The following SCAF4 variants were observed in gnomAD, a reference collection of about 807,000 sequenced individuals.
SCAF4 encodes the protein SR-related and CTD-associated factor 4.
In SCAF4, 25 loss-of-function variants were observed where a neutral mutation model predicts 129.8. The ratio of observed to expected loss-of-function variants is 0.19; its 90% confidence interval spans 0.14 to 0.27. The LOEUF (loss-of-function observed/expected upper bound fraction) is 0.27, where lower values mean the gene tolerates loss of function less well. SCAF4 is among the 10% of genes least tolerant of loss of function. The pLI, the probability that SCAF4 is intolerant of heterozygous loss-of-function variation, is 1.00. For missense variants in SCAF4, 1,246 were observed against 1,457.1 expected (o/e 0.86, Z 2.36); for synonymous variants, 551 against 497.7 (o/e 1.11, Z -1.43).
At chr21:31,706,535 C>T in intron 1 of SCAF4, 178 bp from the exon 2 acceptor site, 1 of 582,038 alleles carries the variant, frequency 1.7e-6, no homozygotes, top group South Asian at 2.2e-5. Context: ...CAGCACACAC[C>T]CTCCCCACTG....
intron 2 of SCAF4, 133 bp downstream of exon 2, chr21:31,706,141 C>T (rs1277284459): frequency 6.0e-6 from 4 of 668,660 alleles, no homozygotes; most frequent in Non-Finnish European, 7.9e-6. Context: ...TATCATGTAC[C>T]TTCAGCAAAG....
intron 1 of SCAF4, among the ~76,000 whole-genome samples, chr21:31,730,640 G>A (rs976046303): frequency 6.6e-6 from 1 of 152,132 alleles, no homozygotes; most frequent in East Asian, 1.9e-4. Context: ...ATTTGGAAAG[G>A]GAAGACAATA....
intron 9 of SCAF4, among the ~76,000 whole-genome samples, chr21:31,695,760 T>TGA (rs2050370353): frequency 6.6e-6 from 1 of 152,204 alleles, no homozygotes; most frequent in Non-Finnish European, 1.5e-5. Flanking sequence ...TATTCCTGAA[T>TGA]GTTCAGAGCT....
intron 1 of SCAF4, among the ~76,000 whole-genome samples, chr21:31,717,868 CACATAT>C (rs1370758177): frequency 3.0e-4 from 36 of 121,030 alleles, no homozygotes; most frequent in African/African-American, 8.1e-4. Flanking sequence ...CACACACACA[CACATAT>C]ACACATATAT....
chr21:31,695,243 T>C lies in SCAF4; in HGVS notation c.1069-263A>G, dbSNP rs373975735. 7.0e-4 allele frequency among the ~76,000 whole-genome samples: 107 copies of C among 152,276 alleles called. 3 individuals carry two copies. The South Asian group carries it at 0.022, about 31-fold the overall frequency. ...TTAAATATTTAAAGAAATACCTTCA[T>C]TTACATAAGGAAGCAATGTGATAAA... On this transcript the variant is annotated intron_variant, in intron 9 of 19. Transcript: ENST00000286835.
intron 1 of SCAF4, among the ~76,000 whole-genome samples, chr21:31,710,213 G>A (rs569638899): frequency 6.6e-6 from 1 of 152,236 alleles, no homozygotes; most frequent in South Asian, 2.1e-4. Context: ...ATAGAACTAT[G>A]AGGATGGATT....
chr21:31,686,938 C>T (rs181648825), intron 16 of SCAF4, among the ~76,000 whole-genome samples: 1 of 152,322 alleles, frequency 6.6e-6, no homozygotes, highest in Admixed American at 6.5e-5. Context: ...TTGGAGACCA[C>T]TATCTGAACA....
At chr21:31,679,952 C>G (rs567210758) in intron 19 of SCAF4, among the ~76,000 whole-genome samples, 1 of 152,286 alleles carries the variant, frequency 6.6e-6, no homozygotes, top group South Asian at 2.1e-4. Context: ...AGTCAATAAA[C>G]TTGAAATCTA....
chr21:31,686,203 CAAAAAAAAAAAAA>C (rs2050118868), intron 16 of SCAF4, among the ~76,000 whole-genome samples: 1 of 75,898 alleles, frequency 1.3e-5, no homozygotes, highest in Non-Finnish European at 3.3e-5. Flanking sequence ...ACTTGGTCTT[CAAAAAAAAAAAAA>C]GAAAAAAAAA....
chr21:31,699,731 G>A (rs1419345185), intron 7 of SCAF4, among the ~76,000 whole-genome samples: 3 of 152,092 alleles, frequency 2.0e-5, no homozygotes, highest in Non-Finnish European at 4.4e-5. Flanking sequence ...CATCAGTTCT[G>A]ATTTTCAAAC....
rs943999389 is a variant in SCAF4, at chr21:31,706,006, G to A, written c.114+268C>T. ...AATCACTTGAACCCGGGAGGGTGAGGTTGCAGTGAGCTGAGATCGCACCAC... is the reference window on the plus strand; with the variant it reads ...AATCACTTGAACCCGGGAGGGTGAGATTGCAGTGAGCTGAGATCGCACCAC... On this transcript the variant is annotated intron_variant, in intron 2 of 19. Coordinates refer to ENST00000286835, the MANE Select transcript of SCAF4 (RefSeq NM_020706.2). Among the ~76,000 whole-genome samples, 50 of 152,340 alleles carry A rather than the reference G, an allele frequency of 3.3e-4. 1 individual carries two copies. The highest frequency in any genetic ancestry group is 1.1e-3 in the African/African-American group (44 of 41,582).
Position 31,729,580 on chromosome 21 carries a change from A to ATCTT in SCAF4, c.30+2082_30+2083insAAGA, listed in dbSNP as rs1373242249. Among the ~76,000 whole-genome samples, 996 of 152,338 alleles carry ATCTT rather than the reference A, an allele frequency of 6.5e-3. 9 individuals carry two copies. The highest frequency in any genetic ancestry group is 0.023 in the African/African-American group (938 of 41,578). On this transcript the variant is annotated intron_variant, in intron 1 of 19. Coordinates refer to ENST00000286835, the MANE Select transcript of SCAF4 (RefSeq NM_020706.2). ...TCAAGATTATATGGGGAACGAATCA[A>ATCTT]GAACATTTCATGAATGGGGAGAAAT...
chr21:31,710,108 C>T (rs547320525), intron 1 of SCAF4, among the ~76,000 whole-genome samples: 1 of 152,134 alleles, frequency 6.6e-6, no homozygotes, highest in Non-Finnish European at 1.5e-5. Flanking sequence ...ATGAAACATA[C>T]TGAATTTAAT....
rs1211586677 is a variant in SCAF4 at position 31,732,007 on chromosome 21, G to A, written c.-315C>T. On this transcript the variant is annotated 5_prime_UTR_variant, in exon 1 of 20. Coordinates refer to ENST00000286835, the MANE Select transcript of SCAF4 (RefSeq NM_020706.2). ...GCGTCTCGCTGACACGGCCCCCCGC[G>A]CCCTCACGCACTGGCTCACACTGGC... 2 of 472,320 alleles carry A rather than the reference G, an allele frequency of 4.2e-6. No homozygotes were observed. The highest frequency in any genetic ancestry group is 7.3e-6 in the Non-Finnish European group (2 of 272,620). The allele number at this position is 472,320 out of a possible 1,614,324, so 29.3% of individuals were successfully genotyped here.
intron 1 of SCAF4, among the ~76,000 whole-genome samples, chr21:31,709,187 G>T (rs1358956642): frequency 6.6e-6 from 1 of 152,144 alleles, no homozygotes; most frequent in Non-Finnish European, 1.5e-5. Context: ...CATCACTGTG[G>T]GGGTGGGGGG....
At position 31,671,917 on chromosome 21, in the gene SCAF4, TTGGTGGAGGCTGTTGTGA is replaced by T. The variant is rs756512277; in HGVS notation, c.2908_2925del (p.Ser970_Pro975del). 12 of 1,612,628 alleles carry T rather than the reference TTGGTGGAGGCTGTTGTGA, an allele frequency of 7.4e-6. No homozygotes were observed. Among genetic ancestry groups the T allele is most frequent in the Non-Finnish European group, 1.0e-5 (12 of 1,179,096 alleles). ...CTAAACTGCTGTGGCTGCTGCTGTG[TTGGTGGAGGCTGTTGTGA>T]TGGTGGTGGCTGCTGCTGCTGCTGC... On this transcript the variant is annotated inframe_deletion, in exon 20 of 20. Coordinates refer to ENST00000286835, the MANE Select transcript of SCAF4 (RefSeq NM_020706.2).
intron 1 of SCAF4, among the ~76,000 whole-genome samples, chr21:31,729,008 T>A (rs1310475104): frequency 3.3e-5 from 5 of 152,150 alleles, no homozygotes; most frequent in African/African-American, 9.7e-5. Context: ...CTTTTCCTAT[T>A]CTCCATTCCC....
intron 1 of SCAF4, among the ~76,000 whole-genome samples, chr21:31,727,682 C>G (rs938729569): frequency 2.0e-5 from 3 of 151,938 alleles, no homozygotes; most frequent in African/African-American, 7.3e-5. Context: ...GTCCCAGCTA[C>G]TCGGGAGGAG....
intron 1 of SCAF4, among the ~76,000 whole-genome samples, chr21:31,712,222 C>CTTTTTTTTTTTTTTTTTTTTTTTTTTT (rs11408552): frequency 2.2e-5 from 3 of 135,442 alleles, no homozygotes; most frequent in African/African-American, 8.4e-5. Context: ...TTGTTTGTTG[C>CTTTTTTTTTTTTTTTTTTTTTTTTTTT]TTTTTTTTTT....
Sources: gnomAD v4.1 joint callset for allele counts (sites outside exome capture counted in the v4.1 genomes callset) on GRCh38, gnomAD v4.1.1 for gene constraint, MANE v1.5 for transcripts, NCBI Gene and HGNC (gene_info 2026-07-23, HGNC 2026-07-21) for gene names.